The following URI1 variants were observed in gnomAD, a reference collection of about 807,000 sequenced individuals.
URI1 encodes URI1 prefoldin like chaperone, also known as unconventional prefoldin RPB5 interactor 1.
Under a neutral mutation model 60.2 loss-of-function variants are expected in URI1, and 39 were observed. That is an observed-to-expected ratio of 0.65 (90% CI 0.50 to 0.85). URI1 has a LOEUF of 0.85. Among genes scored for constraint, URI1 ranks in the 40% least tolerant of loss-of-function variants. URI1 has a pLI of 0.00. For missense variants in URI1, 691 were observed against 665.9 expected, an observed-to-expected ratio of 1.04 and a Z score of -0.42; for synonymous variants, 251 against 236.8, an observed-to-expected ratio of 1.06 and a Z score of -0.55.
At chr19:29,954,576 G>A (rs769191934) in intron 1 of URI1, among the ~76,000 whole-genome samples, 7 of 146,040 alleles carry the variant, frequency 4.8e-5, no homozygotes, top group Admixed American at 3.6e-4. Flanking sequence ...GTGCAGTGGC[G>A]CAATCTCGGC....
At chr19:29,963,675 A>G (rs2055354031) in intron 1 of URI1, among the ~76,000 whole-genome samples, 1 of 152,114 alleles carries the variant, frequency 6.6e-6, no homozygotes, top group African/African-American at 2.4e-5. Context: ...GTCTTTAAAG[A>G]TTGTAGATAT....
upstream of URI1, among the ~76,000 whole-genome samples, chr19:29,939,798 A>G (rs369843042): frequency 3.3e-5 from 5 of 152,224 alleles, no homozygotes; most frequent in East Asian, 9.6e-4. Context: ...GCCCTGAGGC[A>G]GGAACTAGTC....
chr19:29,948,148 C>T (rs906449087), intron 1 of URI1, among the ~76,000 whole-genome samples: 2 of 152,198 alleles, frequency 1.3e-5, no homozygotes, highest in African/African-American at 2.4e-5. Flanking sequence ...CCTACACTGT[C>T]TAAATCATTA....
intron 1 of URI1, among the ~76,000 whole-genome samples, chr19:29,954,631 C>T (rs1297778471): frequency 6.6e-6 from 1 of 151,182 alleles, no homozygotes; most frequent in Non-Finnish European, 1.5e-5. Context: ...TCTCCTGCCT[C>T]AGCCTCCCAA....
chr19:29,999,679 G>A (rs1013997747), intron 4 of URI1, among the ~76,000 whole-genome samples: 9 of 151,834 alleles, frequency 5.9e-5, no homozygotes, highest in South Asian at 4.2e-4. Flanking sequence ...CTTGGATTTC[G>A]TTGAGCTTCT....
chr19:29,936,972 A>T (rs2054978850), intron 1 of URI1, among the ~76,000 whole-genome samples: 1 of 151,952 alleles, frequency 6.6e-6, no homozygotes, highest in East Asian at 1.9e-4. Flanking sequence ...GGCTGATCTC[A>T]AACTCCTGAA....
intron 1 of URI1, chr19:29,956,559 T>C: frequency 1.3e-6 from 2 of 1,520,648 alleles, no homozygotes; most frequent in South Asian, 2.2e-5. Context: ...CTTCAAGGAT[T>C]AATTCATCTT....
intron 1 of URI1, 45 bp downstream of exon 1, chr19:29,942,709 G>A (rs1209012444): frequency 1.5e-6 from 2 of 1,353,320 alleles, no homozygotes; most frequent in Non-Finnish European, 1.9e-6. Context: ...CCGCCGGGCT[G>A]CCCCTGCCTG....
At chr19:29,991,078 T>C (rs1186244629) in intron 4 of URI1, among the ~76,000 whole-genome samples, 1 of 152,164 alleles carries the variant, frequency 6.6e-6, no homozygotes, top group Non-Finnish European at 1.5e-5. Flanking sequence ...CAAATTGTTT[T>C]GGCTGTTCTA....
intron 1 of URI1, among the ~76,000 whole-genome samples, chr19:29,964,115 A>G (rs78297924): frequency 0.015 from 2,281 of 152,184 alleles, 32 homozygotes; most frequent in South Asian, 0.024. Flanking sequence ...TCAGGGCCCA[A>G]CATAATTCTC....
intron 4 of URI1, among the ~76,000 whole-genome samples, chr19:29,989,539 C>T (rs1329895878): frequency 6.6e-6 from 1 of 152,004 alleles, no homozygotes; most frequent in Admixed American, 6.5e-5. Flanking sequence ...TTCTCCTGCT[C>T]AGCCTCCTGA....
chr19:29,927,408 C>T (rs1381743621), intron 1 of URI1, among the ~76,000 whole-genome samples: 1 of 151,576 alleles, frequency 6.6e-6, no homozygotes, highest in Non-Finnish European at 1.5e-5. Flanking sequence ...GGATTACAGG[C>T]ACATGCCACC....
intron 2 of URI1, among the ~76,000 whole-genome samples, chr19:29,976,616 G>A (rs1179558179): frequency 6.6e-6 from 1 of 152,200 alleles, no homozygotes; most frequent in Non-Finnish European, 1.5e-5. Flanking sequence ...GCACTGCAAT[G>A]ACTTTATTGA....
intron 7 of URI1, 130 bp from the exon 8 acceptor site, chr19:30,008,875 A>T (rs1011950532): frequency 3.8e-6 from 3 of 785,192 alleles, no homozygotes; most frequent in East Asian, 2.8e-5. Context: ...TTGTTTTTGA[A>T]CTTAGAATTC....
rs576483464 is a variant in URI1 at position 30,015,936 on chromosome 19, C to T, written c.*867C>T. On this transcript the variant is annotated 3_prime_UTR_variant, in exon 11 of 11. Transcript: ENST00000392271. The stretch of plus-strand genomic sequence containing the variant: ...GTTTCATCTTCCCAACATTTTCATT[C>T]TTTAAGGCTACTTTCCTACTAACTG... 1.7e-3 allele frequency: 321 copies of T among 185,680 alleles called. 7 individuals are homozygous for T. The highest frequency in any genetic ancestry group is 8.2e-3 in the South Asian group (43 of 5,256). The allele number at this position is 185,680 out of a possible 1,614,324, so 11.5% of individuals were successfully genotyped here.
chr19:29,995,655 T>A (rs1245131816), intron 4 of URI1, among the ~76,000 whole-genome samples: 1 of 152,130 alleles, frequency 6.6e-6, no homozygotes, highest in Non-Finnish European at 1.5e-5. Flanking sequence ...AGTGTTTTTT[T>A]GTTTTTGCCT....
chr19:30,011,841 T>C (rs2056024184), intron 9 of URI1, among the ~76,000 whole-genome samples: 1 of 139,370 alleles, frequency 7.2e-6, no homozygotes, highest in African/African-American at 2.7e-5. Context: ...AGGTGGGAAT[T>C]GAACAATGAG....
intron 1 of URI1, among the ~76,000 whole-genome samples, chr19:29,950,307 T>C (rs917708331): frequency 6.6e-6 from 1 of 152,222 alleles, no homozygotes; most frequent in African/African-American, 2.4e-5. Flanking sequence ...GATTTGGCCA[T>C]AACTGCTTTA....
chr19:29,944,190 T>TATAA (rs2055074426), intron 1 of URI1, among the ~76,000 whole-genome samples: 3 of 110,896 alleles, frequency 2.7e-5, no homozygotes, highest in African/African-American at 7.1e-5. Flanking sequence ...TATATATATA[T>TATAA]ATAAAACTTA....
Sources: gnomAD v4.1 joint callset for allele counts (sites outside exome capture counted in the v4.1 genomes callset) on GRCh38, gnomAD v4.1.1 for gene constraint, MANE v1.5 for transcripts, NCBI Gene and HGNC (gene_info 2026-07-23, HGNC 2026-07-21) for gene names.